MFN1: variants seen among roughly 807,000 people sequenced by gnomAD.
The protein encoded by MFN1 is mitofusin-1.
Under a neutral mutation model 92.4 loss-of-function variants are expected in MFN1, and 65 were observed. That is an observed-to-expected ratio of 0.70 (90% CI 0.58 to 0.86). MFN1 has a LOEUF of 0.86. Ranked by LOEUF, MFN1 falls within the 40% of genes least tolerant of loss-of-function variation. MFN1 has a pLI of 0.00. For missense variants in MFN1, 781 were observed against 868.0 expected (o/e 0.90, Z 1.26); for synonymous variants, 297 against 300.9 (o/e 0.99, Z 0.13).
chr3:179,349,017 C>T (rs1050222368), intron 2 of MFN1, 54 bp downstream of exon 2: 4 of 1,428,362 alleles, frequency 2.8e-6, no homozygotes, highest in Non-Finnish European at 2.9e-6. Flanking sequence ...TATAAAAGTG[C>T]TTATTCTTTC....
intron 5 of MFN1, among the ~76,000 whole-genome samples, chr3:179,363,782 C>G (rs1226842884): frequency 6.6e-6 from 1 of 152,168 alleles, no homozygotes; most frequent in Non-Finnish European, 1.5e-5. Context: ...TGCCACTGCA[C>G]TCAGCCCCTG....
intron 14 of MFN1, 114 bp from the exon 15 acceptor site, chr3:179,385,455 C>T (rs779458759): frequency 8.1e-5 from 70 of 867,798 alleles, no homozygotes; most frequent in Non-Finnish European, 1.1e-4. Flanking sequence ...GTGTACTCAT[C>T]ATTTAGGGTA....
chr3:179,382,325 G>A (rs1442986053), intron 14 of MFN1, among the ~76,000 whole-genome samples: 1 of 152,082 alleles, frequency 6.6e-6, no homozygotes, highest in Admixed American at 6.6e-5. Flanking sequence ...TGCAGTGTTT[G>A]GTTTTTTGTC....
intron 2 of MFN1, among the ~76,000 whole-genome samples, chr3:179,350,274 C>G (rs1476032518): frequency 6.7e-6 from 1 of 150,338 alleles, no homozygotes; most frequent in African/African-American, 2.4e-5. Flanking sequence ...TTTTTCATGT[C>G]TCTCCCAACC....
Position 179,385,738 on chromosome 3 carries a change from T to A in MFN1, c.1815+17T>A, listed in dbSNP as rs753924236. ...GGAGGAGTGGTAAGAAACATTACTTTTAGTATAATTAAAATCGAAATGTTT... is the reference window on the plus strand; with the variant it reads ...GGAGGAGTGGTAAGAAACATTACTTATAGTATAATTAAAATCGAAATGTTT... On this transcript the variant is annotated intron_variant, in intron 15 of 17. Transcript: ENST00000471841. 1 of 1,610,040 alleles carries A rather than the reference T, an allele frequency of 6.2e-7. No homozygotes were observed. Among genetic ancestry groups the A allele is most frequent in the East Asian group, 2.2e-5 (1 of 44,772 alleles).
chr3:179,358,907 G>T lies in MFN1; in HGVS notation c.316G>T (p.Gly106Cys). The T allele has an allele frequency of 6.2e-7, 1 of 1,613,958 alleles. No homozygotes were observed. Among genetic ancestry groups the T allele is most frequent in the Non-Finnish European group, 8.5e-7 (1 of 1,179,972 alleles). The stretch of plus-strand genomic sequence containing the variant: ...GGATAAAGTTCTCCCTAGTGGGATT[G>T]GCCATATAACCAATTGCTTCCTAAG... ...LWDKVLPSGI[G>C]HITNCFLSVE... The change falls in exon 4 of 18, where the codon GGC (glycine) becomes TGC (cysteine). Residue 106 changes from glycine to cysteine, a missense_variant. By Grantham distance (159) the Gly-to-Cys change is radical. Coordinates refer to ENST00000471841, the MANE Select transcript of MFN1 (RefSeq NM_033540.3).
intron 3 of MFN1, among the ~76,000 whole-genome samples, chr3:179,355,461 CTATA>C (rs1398268199): frequency 6.6e-6 from 1 of 152,066 alleles, no homozygotes; most frequent in Non-Finnish European, 1.5e-5. Flanking sequence ...TTTAATACAA[CTATA>C]TATATTCAAG....
At chr3:179,365,668 TC>T (rs1712759613) in intron 7 of MFN1, among the ~76,000 whole-genome samples, 1 of 152,156 alleles carries the variant, frequency 6.6e-6, no homozygotes, top group East Asian at 1.9e-4. Flanking sequence ...CCTTCTAACT[TC>T]CCTTCTGTCC....
At position 179,393,750 on chromosome 3, in the gene MFN1, T is replaced by C. The variant is rs183876260; in HGVS notation, c.*1691T>C. On this transcript the variant is annotated 3_prime_UTR_variant, in exon 18 of 18. Transcript: ENST00000471841. The stretch of plus-strand genomic sequence containing the variant: ...TAATTTAGGTTACAAAACTCAAGGC[T>C]GTAACCTTTATATGAAAGTACTTAA... 2.0e-5 allele frequency: 3 copies of C among 152,374 alleles called. No individual in the cohort carries two copies. Among genetic ancestry groups the C allele is most frequent in the East Asian group, 1.9e-4 (1 of 5,192 alleles). The allele number at this position is 152,374 out of a possible 1,614,324, so 9.4% of individuals were successfully genotyped here.
chr3:179,382,606 C>T (rs1046235115), intron 14 of MFN1, among the ~76,000 whole-genome samples: 3 of 152,144 alleles, frequency 2.0e-5, no homozygotes, highest in Non-Finnish European at 4.4e-5. Flanking sequence ...ATGGCTGGGT[C>T]AGATAGTATT....
At position 179,385,660 on chromosome 3, in the gene MFN1, T is replaced by G. The variant is rs552579978; in HGVS notation, c.1754T>G (p.Val585Gly). 5 of 1,613,986 alleles carry G rather than the reference T, an allele frequency of 3.1e-6. No homozygotes were observed. The East Asian group carries it at 1.1e-4, about 36-fold the overall frequency. Reference protein sequence around the residue: ...ASQEELMITLVTGLASVTSRT... With the variant: ...ASQEELMITLGTGLASVTSRT... ...CAGGAAGAACTCATGATTACATTAG[T>G]AACAGGATTGGCGTCCGTTACATCT... Residue 585 changes from valine (V) to glycine (G), a missense_variant, in exon 15 of 18, where the codon GTA (valine) becomes GGA (glycine). Physicochemically the swap from Val to Gly is moderately radical, Grantham distance 109. Coordinates refer to ENST00000471841, the MANE Select transcript of MFN1 (RefSeq NM_033540.3).
chr3:179,369,669 A>G (rs544327793), intron 9 of MFN1, among the ~76,000 whole-genome samples: 1 of 152,300 alleles, frequency 6.6e-6, no homozygotes, highest in South Asian at 2.1e-4. Flanking sequence ...TTAGAGAACC[A>G]CAGGCTCCTG....
intron 7 of MFN1, among the ~76,000 whole-genome samples, chr3:179,366,991 G>A (rs911846445): frequency 6.6e-6 from 1 of 152,168 alleles, no homozygotes; most frequent in Admixed American, 6.5e-5. Flanking sequence ...ACAGGGGCAC[G>A]ATCTTGGCTC....
At position 179,368,003 on chromosome 3, in the gene MFN1, C is replaced by T. The variant is rs7356002; in HGVS notation, c.908-33C>T. The T allele has an allele frequency of 0.026, 37,428 of 1,427,044 alleles. 7,066 individuals carry two copies. In the African/African-American group the frequency reaches 0.44, roughly 17 times the overall value. The allele number at this position is 1,427,044 out of a possible 1,614,324, so 88.4% of individuals were successfully genotyped here. ...ACCAGAAAACATATCTTGCTACATA[C>T]TAGGTTTTTAAATCTTTGCCTGTAC... On this transcript the variant is annotated intron_variant, in intron 8 of 17. Transcript: ENST00000471841.
chr3:179,364,425 T>C lies in MFN1; in HGVS notation c.645+20T>C, dbSNP rs376178228. 5 of 1,524,402 alleles carry C rather than the reference T, an allele frequency of 3.3e-6. No homozygotes were observed. The highest frequency in any genetic ancestry group is 1.1e-5 in the South Asian group (1 of 88,226). 94.4% of individuals were successfully genotyped at this position (1,524,402 alleles called of 1,614,324 possible). The stretch of plus-strand genomic sequence containing the variant: ...AATACGGTAGGATTTAATCATATTA[T>C]TGTGTTTCGATGGTAGGAAATGAAA... On this transcript the variant is annotated intron_variant, in intron 6 of 17. Coordinates refer to ENST00000471841, the MANE Select transcript of MFN1 (RefSeq NM_033540.3).
At chr3:179,367,934 G>GTATATATA (rs143669422) in intron 8 of MFN1, 102 bp from the exon 9 acceptor site, 35 of 410,676 alleles carry the variant, frequency 8.5e-5, no homozygotes, top group African/African-American at 6.1e-4. Flanking sequence ...GGGGGAAAAA[G>GTATATATA]TATATATATA....
intron 3 of MFN1, among the ~76,000 whole-genome samples, chr3:179,357,540 C>A (rs192765356): frequency 6.6e-6 from 1 of 152,278 alleles, no homozygotes; most frequent in East Asian, 1.9e-4. Flanking sequence ...AAGAAAAGTT[C>A]TTTCCCTCTT....
At chr3:179,375,026 T>C (rs13098637) in intron 9 of MFN1, among the ~76,000 whole-genome samples, 194 bp from the exon 10 acceptor site, 16,763 of 152,328 alleles carry the variant, frequency 0.11, 1,167 homozygotes, top group Non-Finnish European at 0.16. Context: ...AACTTGCTGC[T>C]AAAGCCCTTT....
At chr3:179,351,123 C>T (rs1192824931) in intron 2 of MFN1, among the ~76,000 whole-genome samples, 5 of 152,132 alleles carry the variant, frequency 3.3e-5, no homozygotes, top group Non-Finnish European at 7.4e-5. Flanking sequence ...ATGTCTTTAC[C>T]TTCAAAAAGA....
Sources: allele counts gnomAD v4.1 joint callset (sites outside exome capture counted in the v4.1 genomes callset), GRCh38; gene constraint gnomAD v4.1.1; transcripts MANE v1.5; gene names NCBI Gene and HGNC (gene_info 2026-07-23, HGNC 2026-07-21).